The following MEG3 variants were observed in gnomAD, a reference collection of about 807,000 sequenced individuals.
The protein encoded by MEG3 is maternally expressed 3.
chr14:100,834,924 C>T (rs11160606), exon 1 of MEG3: 79,674 of 409,228 alleles, frequency 0.19, 8,418 homozygotes, highest in East Asian at 0.27. Context: ...TGCATTCACC[C>T]GCGCGGCCAT....
chr14:100,827,842 A>G (rs554995464), intron 1 of MEG3, among the ~76,000 whole-genome samples: 3 of 152,210 alleles, frequency 2.0e-5, no homozygotes, highest in African/African-American at 4.8e-5. Context: ...TTCTGACTTT[A>G]GTGAACGTGT....
Position 100,837,444 on chromosome 14 carries a change from A to T in MEG3, n.3045+1144A>T, listed in dbSNP as rs1474498312. Reference sequence around the variant, plus strand: ...CTGGGTGGGCGCTGAGAAAGGTCTGAACCGTGGGGTGAGGCTGGCTCCATT... The same window carrying T: ...CTGGGTGGGCGCTGAGAAAGGTCTGTACCGTGGGGTGAGGCTGGCTCCATT... On this transcript the variant is annotated intron_variant and non_coding_transcript_variant, in intron 2 of 3. Coordinates refer to the MEG3 transcript ENST00000398461. The surrounding 1 kb of genome is among the most constrained non-coding windows in gnomAD (Gnocchi z 5.8). Among the ~76,000 whole-genome samples, 1 of 152,042 alleles carries T rather than the reference A, an allele frequency of 6.6e-6. No individual in the cohort carries two copies. The highest frequency in any genetic ancestry group is 1.5e-5 in the Non-Finnish European group (1 of 67,998).
chr14:100,844,799 G>A lies in MEG3; in HGVS notation n.3046-659G>A, dbSNP rs962561592. On this transcript the variant is annotated intron_variant and non_coding_transcript_variant, in intron 2 of 3. Coordinates refer to the MEG3 transcript ENST00000398461. ...CTATGTTTGGCCCAGCCTGCTGCCC[G>A]ATTTTTATAAAAAAGAAAAAACAAA... is the stretch of plus-strand genomic sequence containing the variant. 6.6e-5 allele frequency among the ~76,000 whole-genome samples: 10 copies of A among 152,202 alleles called. No homozygotes were observed. In the East Asian group the frequency reaches 1.5e-3, roughly 24 times the overall value.
chr14:100,854,629 G>C (rs1462202093), upstream of MEG3: 1 of 152,390 alleles, frequency 6.6e-6, no homozygotes, highest in Non-Finnish European at 1.5e-5. Flanking sequence ...ACCCCTGTGG[G>C]ACAGGAATAG....
At chr14:100,860,589 T>G (rs1221377568) in intron 1 of MEG3, 1 of 451,330 alleles carries the variant, frequency 2.2e-6, no homozygotes, top group African/African-American at 2.0e-5. Flanking sequence ...GGACTTGCTC[T>G]CCTCTCCCTC....
chr14:100,849,098 C>A (rs1214103629), intron 3 of MEG3: 1 of 151,968 alleles, frequency 6.6e-6, no homozygotes, highest in Non-Finnish European at 1.5e-5. Context: ...AATATGGAAA[C>A]GTATGACAGG....
At chr14:100,860,126 G>C (rs1298317800) in exon 1 of MEG3, 1 of 163,736 alleles carries the variant, frequency 6.1e-6, no homozygotes, top group Non-Finnish European at 1.3e-5. Flanking sequence ...GTCTGCGCTG[G>C]TCCCAGGGAC....
intron 1 of MEG3, chr14:100,860,638 G>C (rs1246726188): frequency 2.2e-6 from 1 of 456,416 alleles, no homozygotes; most frequent in South Asian, 1.5e-5. Flanking sequence ...AACTCTTGTC[G>C]GCCAGCGAGG....
At chr14:100,827,338 G>A (rs2037267709) in intron 1 of MEG3, 1 of 151,558 alleles carries the variant, frequency 6.6e-6, no homozygotes, top group Non-Finnish European at 1.5e-5. Context: ...TTTGGGGGGC[G>A]GGGTGGGGAG....
At chr14:100,860,917 C>A in exon 2 of MEG3, 1 of 348,022 alleles carries the variant, frequency 2.9e-6, no homozygotes, top group Non-Finnish European at 5.7e-6. Flanking sequence ...TGGGCTCCTT[C>A]ACCTACCTCA....
At chr14:100,828,029 G>A (rs1425799615) in intron 1 of MEG3, among the ~76,000 whole-genome samples, 1 of 152,110 alleles carries the variant, frequency 6.6e-6, no homozygotes, top group Non-Finnish European at 1.5e-5. Context: ...GCGCTGCGCC[G>A]CAGCCACAGG....
downstream of MEG3, chr14:100,832,522 G>A (rs557187082): frequency 4.6e-5 from 7 of 152,666 alleles, no homozygotes; most frequent in Admixed American, 1.3e-4. Flanking sequence ...GGCTAATCTC[G>A]GGCCTTGTCG....
At chr14:100,842,531 A>C (rs1566729624) in intron 2 of MEG3, among the ~76,000 whole-genome samples, 1 of 152,172 alleles carries the variant, frequency 6.6e-6, no homozygotes, top group Admixed American at 6.5e-5. Context: ...AAGAGCTTGC[A>C]TTTGTCAGGG....
At position 100,837,298 on chromosome 14, in the gene MEG3, G is replaced by A. The variant is rs1276060615; in HGVS notation, n.3045+998G>A. 6.6e-6 allele frequency among the ~76,000 whole-genome samples: 1 copy of A among 152,188 alleles called. No individual in the cohort carries two copies. The highest frequency in any genetic ancestry group is 1.5e-5 in the Non-Finnish European group (1 of 68,030). The stretch of plus-strand genomic sequence containing the variant: ...ACTGAGTCTGTGGCTCACTCAGGGC[G>A]ATGGGGTGTTTTTAGAGCCACTGCC... On this transcript the variant is annotated intron_variant and non_coding_transcript_variant, in intron 2 of 3. Transcript: ENST00000398461. This position sits in a 1 kb window ranked among gnomAD's most constrained non-coding sequence, Gnocchi z 5.8.
intron 3 of MEG3, chr14:100,849,576 G>C (rs1314934952): frequency 1.3e-5 from 2 of 152,138 alleles, no homozygotes; most frequent in Non-Finnish European, 2.9e-5. Context: ...GTCAAAGATA[G>C]AGCTAAGGAA....
intron 2 of MEG3, among the ~76,000 whole-genome samples, chr14:100,843,422 G>A (rs2295388): frequency 0.19 from 28,605 of 152,056 alleles, 3,053 homozygotes; most frequent in Admixed American, 0.26. Context: ...ACGGTCTCGA[G>A]TGGTGGTCAG....
At chr14:100,836,230 C>A (rs2037573818) in exon 2 of MEG3, 1 of 456,456 alleles carries the variant, frequency 2.2e-6, no homozygotes, top group Non-Finnish European at 4.4e-6. Flanking sequence ...CGGAAGAGGC[C>A]CTGATGGGGC....
chr14:100,836,574 A>AC lies in MEG3; in HGVS notation n.3045+279dup, dbSNP rs2037589029. Among the ~76,000 whole-genome samples, 3 of 151,752 alleles carry AC rather than the reference A, an allele frequency of 2.0e-5. No individual in the cohort carries two copies. The South Asian group carries it at 6.3e-4, about 32-fold the overall frequency. ...TGGGGAGTGTCCACCTCCACTCTAG[A>AC]CCCCCGAGAGCGGCTCGGGCCAGGC... On this transcript the variant is annotated intron_variant and non_coding_transcript_variant, in intron 2 of 3. Transcript: ENST00000398461.
upstream of MEG3, chr14:100,853,090 C>T (rs2038135238): frequency 6.6e-6 from 1 of 152,392 alleles, no homozygotes; most frequent in South Asian, 2.1e-4. Flanking sequence ...ATAAAACATC[C>T]TTCACGTGCT....
Sources: gnomAD v4.1 joint callset for allele counts (sites outside exome capture counted in the v4.1 genomes callset) on GRCh38, gnomAD v4.1.1 for gene constraint, Gnocchi (gnomAD v3.1) non-coding constraint, MANE v1.5 for transcripts, NCBI Gene and HGNC (gene_info 2026-07-23, HGNC 2026-07-21) for gene names.